L1CAM: variants seen among roughly 807,000 people sequenced by gnomAD.
L1CAM encodes neural cell adhesion molecule L1.
Under a neutral mutation model 93.0 loss-of-function variants are expected in L1CAM, and 8 were observed. That is an observed-to-expected ratio of 0.09 (90% CI 0.05 to 0.16). The LOEUF is 0.16. L1CAM is among the 10% of genes least tolerant of loss of function. The pLI, the probability that L1CAM is intolerant of heterozygous loss-of-function variation, is 1.00. For missense variants in L1CAM, 777 were observed against 1,073.4 expected, an observed-to-expected ratio of 0.72 and a Z score of 3.86; for synonymous variants, 453 against 453.0, an observed-to-expected ratio of 1.00 and a Z score of 0.00.
In L1CAM at chrX:153,865,818, G is replaced by A. The variant is rs782553641; in HGVS notation, c.2433C>T (p.Tyr811=). Residue 811 remains tyrosine, a splice_region_variant and synonymous_variant, in exon 20 of 29, where the codon TAC becomes TAT. Transcript: ENST00000370060. The part of the protein sequence containing the change: ...QVTIGYSGED[Y]PQAIPELEGI... ...CTTCCAGCTCAGGGATTGCCTGGGG[G>A]TCTGGAAACCACCAGTGACTTGGAT... 5 of 1,181,242 alleles carry A rather than the reference G, an allele frequency of 4.2e-6. No homozygotes were observed. The highest frequency in any genetic ancestry group is 4.6e-6 in the Non-Finnish European group (4 of 867,603).
Position 153,862,877 on chromosome X carries a change from G to A in L1CAM, c.3560C>T (p.Ala1187Val). The A allele has an allele frequency of 8.3e-7, 1 of 1,210,717 alleles. No individual in the cohort carries two copies. The highest frequency in any genetic ancestry group is 1.8e-5 in the South Asian group (1 of 56,889). ...RSLESDNEEK[A>V]FGSSQPSLNG... The stretch of plus-strand genomic sequence containing the variant: ...GAGCGATGGCTGGCTGCTGCCAAAG[G>A]CCTTCTCCTCGTTGTCACTGCAGAG... The change falls in exon 29 of 29, where the codon GCC becomes GTC. Residue 1187 changes from alanine to valine, a missense_variant. Physicochemically the swap from Ala to Val is moderately conservative, Grantham distance 64. Around this residue, in one of 5 missense-constraint regions of L1CAM, gnomAD observed 110 missense variants for 141.7 expected, o/e 0.78. Coordinates refer to ENST00000370060, the MANE Select transcript of L1CAM (RefSeq NM_001278116.2).
At chrX:153,875,460 A>C (rs2064805528) in intron 2 of L1CAM, among the ~76,000 whole-genome samples, 1 of 110,671 alleles carries the variant, frequency 9.0e-6, no homozygotes, top group Non-Finnish European at 1.9e-5. Flanking sequence ...CGGGCTAAGG[A>C]GAGCATGGAG....
At position 153,863,390 on chromosome X, in the gene L1CAM, C is replaced by T; in HGVS notation, c.3531-11G>A. 2 of 1,211,111 alleles carry T rather than the reference C, an allele frequency of 1.7e-6. No homozygotes were observed. The highest frequency in any genetic ancestry group is 1.1e-6 in the Non-Finnish European group (1 of 895,145). On this transcript the variant is annotated splice_polypyrimidine_tract_variant and intron_variant, in intron 27 of 28. Transcript: ENST00000370060. ...TACCTCTCCAGGGACCTGAAGTCAC[C>T]CGGCAGCACAGAGAAGAGAGAGAGG...
chrX:153,880,756 G>A (rs1557095575), intron 1 of L1CAM: 2 of 309,368 alleles, frequency 6.5e-6, no homozygotes, highest in East Asian at 2.1e-4. Context: ...TATGTGTTAT[G>A]TAGACAGCAC....
chrX:153,866,593 C>G, intron 19 of L1CAM, 56 bp downstream of exon 19: 1 of 914,313 alleles, frequency 1.1e-6, no homozygotes. Flanking sequence ...TGGACATGGG[C>G]TGGGGTGGAA....
intron 1 of L1CAM, among the ~76,000 whole-genome samples, chrX:153,877,714 C>T (rs1333049786): frequency 1.8e-5 from 2 of 111,702 alleles, no homozygotes; most frequent in Non-Finnish European, 3.8e-5. Flanking sequence ...CAACCCCCTG[C>T]TGCTCCTCAG....
At chrX:153,885,845 TC>T (rs2064877266) in intron 1 of L1CAM, 1 of 811,996 alleles carries the variant, frequency 1.2e-6, no homozygotes, top group Admixed American at 5.6e-5. Context: ...CCCTCACCTG[TC>T]GGGCTCGGGC....
rs2064676192 is a variant in L1CAM at position 153,862,897 on chromosome X, G to A, written c.3543-3C>T. 5 of 1,197,707 alleles carry A rather than the reference G, an allele frequency of 4.2e-6. No individual in the cohort carries two copies. Among genetic ancestry groups the A allele is most frequent in the Non-Finnish European group, 4.5e-6 (4 of 884,864 alleles). On this transcript the variant is annotated splice_polypyrimidine_tract_variant and splice_region_variant and intron_variant, in intron 28 of 28. Transcript: ENST00000370060. ...CAAAGGCCTTCTCCTCGTTGTCACT[G>A]CAGAGGCACAGGGCAGGTGCGAGTG...
intron 1 of L1CAM, among the ~76,000 whole-genome samples, chrX:153,878,840 C>T (rs2064829118): frequency 9.0e-6 from 1 of 111,382 alleles, no homozygotes; most frequent in African/African-American, 3.3e-5. Flanking sequence ...CCCCAAACCC[C>T]TGGTCCCCGC....
At chrX:153,865,679 G>T in intron 20 of L1CAM, 25 bp downstream of exon 20, 1 of 1,117,476 alleles carries the variant, frequency 8.9e-7, no homozygotes, top group Admixed American at 2.2e-5. Flanking sequence ...TCACCCTCCT[G>T]GGCCCCCATG....
intron 1 of L1CAM, among the ~76,000 whole-genome samples, chrX:153,885,067 C>T (rs2064870628): frequency 8.9e-6 from 1 of 112,110 alleles, no homozygotes; most frequent in Non-Finnish European, 1.9e-5. Context: ...GATACCCTGT[C>T]GGGGGCAATG....
At chrX:153,877,362 T>G (rs1304651490) in intron 1 of L1CAM, among the ~76,000 whole-genome samples, 3 of 102,279 alleles carry the variant, frequency 2.9e-5, no homozygotes, top group African/African-American at 1.1e-4. Flanking sequence ...CTCAGGAGGC[T>G]GAGGCAGGAG....
chrX:153,885,439 G>A (rs2064872872), intron 1 of L1CAM: 1 of 966,846 alleles, frequency 1.0e-6, no homozygotes, highest in African/African-American at 2.0e-5. Context: ...GTTTTCGGGT[G>A]AGCCCGGAGG....
At chrX:153,870,584 AG>A in intron 7 of L1CAM, 85 bp from the exon 8 acceptor site, 3 of 867,390 alleles carry the variant, frequency 3.5e-6, no homozygotes, top group Non-Finnish European at 5.0e-6. Flanking sequence ...CACTCCAGCC[AG>A]CCCCCGGGGC....
chrX:153,867,684 C>T (rs1457666418), intron 16 of L1CAM, 116 bp downstream of exon 16: 6 of 954,728 alleles, frequency 6.3e-6, no homozygotes, highest in Non-Finnish European at 7.5e-6. Context: ...CATGAGGAAC[C>T]GTGAGTCCCC....
At chrX:153,867,764 G>A (rs782350453) in intron 16 of L1CAM, 36 bp downstream of exon 16, 18 of 1,147,353 alleles carry the variant, frequency 1.6e-5, no homozygotes, top group Middle Eastern at 5.0e-4. Context: ...GCTGGCAGAA[G>A]TGACGGTGGG....
intron 1 of L1CAM, chrX:153,885,572 C>A: frequency 3.1e-6 from 1 of 322,003 alleles, no homozygotes; most frequent in South Asian, 3.4e-5. Flanking sequence ...GCGGCTTATC[C>A]CGATCTACCC....
At chrX:153,864,177 G>A (rs781949340) in intron 25 of L1CAM, 145 bp downstream of exon 25, 51 of 1,004,630 alleles carry the variant, frequency 5.1e-5, no homozygotes, top group Non-Finnish European at 6.7e-5. Context: ...GGGCTGATTC[G>A]GGGACACCCA....
In L1CAM at chrX:153,862,750, G is replaced by C. The variant is rs1361090114; in HGVS notation, c.3687C>G (p.Tyr1229Ter). 1 of 1,211,064 alleles carries C rather than the reference G, an allele frequency of 8.3e-7. No homozygotes were observed. Among genetic ancestry groups the C allele is most frequent in the Non-Finnish European group, 1.1e-6 (1 of 895,197 alleles). The stretch of plus-strand genomic sequence containing the variant: ...CCGCCTCCTTCTCCTTCTTGCCACT[G>C]TACTGGCCAATGAACGAACCATCCT... The part of the protein sequence containing the change: ...FNEDGSFIGQ[Y>*]SGKKEKEAAG... The change falls in exon 29 of 29, where the codon TAC (tyrosine) becomes TAG (stop). Residue 1229 changes from tyrosine to a stop codon, truncating the protein, a stop_gained. Transcript: ENST00000370060. LOFTEE classifies it low-confidence loss of function (END_TRUNC).
Sources: gnomAD v4.1 joint callset for allele counts (sites outside exome capture counted in the v4.1 genomes callset) on GRCh38, gnomAD v4.1.1 for gene constraint, gnomAD v4.1.1 regional missense constraint, MANE v1.5 for transcripts, NCBI Gene and HGNC (gene_info 2026-07-23, HGNC 2026-07-21) for gene names.